The following NAALAD2 variants were observed in gnomAD, a reference collection of about 807,000 sequenced individuals.
The protein encoded by NAALAD2 is N-acetylated-alpha-linked acidic dipeptidase 2.
NAALAD2 carries 89 observed loss-of-function variants against 95.6 expected under a neutral mutation model. The ratio of observed to expected loss-of-function variants is 0.93; its 90% CI spans 0.78 to 1.11. The LOEUF (loss-of-function observed/expected upper bound fraction) is 1.11. Among genes scored for constraint, NAALAD2 ranks in the 50% least tolerant of loss-of-function variants. NAALAD2 has a pLI of 0.00. For synonymous variants in NAALAD2, 264 were observed against 294.4 expected (o/e 0.90, Z 1.06); for missense variants, 894 against 872.4 (o/e 1.02, Z -0.31).
At chr11:90,138,495 C>A (rs1039181198) in intron 2 of NAALAD2, among the ~76,000 whole-genome samples, 17 of 152,070 alleles carry the variant, frequency 1.1e-4, no homozygotes, top group African/African-American at 4.1e-4. Context: ...ATAGAAAGGA[C>A]CGTGTTGTAA....
Position 90,134,712 on chromosome 11 carries a change from A to G in NAALAD2, c.-47A>G. On this transcript the variant is annotated 5_prime_UTR_variant, in exon 1 of 19. Transcript: ENST00000534061. ...CGCTCTCTGTTTCTCTGCAGCCCCG[A>G]AGCTCGCGAATGTAGCAGGCGCCCC... 2 of 1,590,016 alleles carry G rather than the reference A, an allele frequency of 1.3e-6. No individual in the cohort carries two copies. The highest frequency in any genetic ancestry group is 1.7e-6 in the Non-Finnish European group (2 of 1,159,728).
intron 4 of NAALAD2, among the ~76,000 whole-genome samples, chr11:90,150,258 TAATA>T (rs1245521718): frequency 6.6e-6 from 1 of 151,774 alleles, no homozygotes; most frequent in Non-Finnish European, 1.5e-5. Flanking sequence ...GTCTCAAAAA[TAATA>T]AATAAATAAA....
intron 18 of NAALAD2, among the ~76,000 whole-genome samples, chr11:90,189,146 A>G (rs1857249245): frequency 6.6e-6 from 1 of 152,152 alleles, no homozygotes; most frequent in African/African-American, 2.4e-5. Context: ...TCTAAAATGC[A>G]GTTGCGGATT....
intron 2 of NAALAD2, among the ~76,000 whole-genome samples, chr11:90,139,742 C>A (rs1951555686): frequency 6.6e-6 from 1 of 152,084 alleles, no homozygotes; most frequent in South Asian, 2.1e-4. Context: ...TTATAACAAT[C>A]CTACACCCAC....
intron 2 of NAALAD2, 63 bp downstream of exon 2, chr11:90,135,733 A>G: frequency 5.2e-6 from 7 of 1,336,590 alleles, no homozygotes; most frequent in Admixed American, 3.7e-5. Flanking sequence ...TGAGAAGCAT[A>G]TTATACCTGG....
chr11:90,177,586 G>GTTGTTTTTTTT, intron 15 of NAALAD2, among the ~76,000 whole-genome samples: 1 of 28,456 alleles, frequency 3.5e-5, no homozygotes, highest in Non-Finnish European at 6.2e-5. Flanking sequence ...TCTTTTTCTT[G>GTTGTTTTTTTT]TTTTTTTTTT....
At chr11:90,187,758 T>A (rs746193889) in intron 18 of NAALAD2, among the ~76,000 whole-genome samples, 1 of 152,140 alleles carries the variant, frequency 6.6e-6, no homozygotes, top group Admixed American at 6.5e-5. Flanking sequence ...TTTATGAACC[T>A]CAAGAATGGA....
intron 11 of NAALAD2, among the ~76,000 whole-genome samples, chr11:90,167,418 A>C (rs1296582030): frequency 6.6e-6 from 1 of 152,106 alleles, no homozygotes; most frequent in Non-Finnish European, 1.5e-5. Context: ...ACCATGCCTG[A>C]GCCTGCGCCC....
chr11:90,170,215 G>A lies in NAALAD2; in HGVS notation c.1410+79G>A, dbSNP rs963711589. On this transcript the variant is annotated intron_variant, in intron 13 of 18. Transcript: ENST00000534061. ...ACGTGTGTTCCCCCCTAAATTAATG[G>A]TACTTATTTTTAAGCTGGTGAGAGA... 3 of 900,538 alleles carry A rather than the reference G, an allele frequency of 3.3e-6. No homozygotes were observed. In the Admixed American group the frequency reaches 5.6e-5, roughly 17 times the overall value. 55.8% of individuals were successfully genotyped at this position (900,538 alleles called of 1,614,324 possible).
At chr11:90,133,181 G>A (rs1165767361), upstream of NAALAD2, among the ~76,000 whole-genome samples, 1 of 152,208 alleles carries the variant, frequency 6.6e-6, no homozygotes, top group East Asian at 1.9e-4. Context: ...ATGCTGTGAA[G>A]TTTATCCTAG....
At chr11:90,150,194 G>T (rs1028467033) in intron 4 of NAALAD2, among the ~76,000 whole-genome samples, 1 of 152,032 alleles carries the variant, frequency 6.6e-6, no homozygotes, top group Non-Finnish European at 1.5e-5. Flanking sequence ...GGAGGAGGTT[G>T]CAGTGAGCCG....
At chr11:90,150,236 C>G (rs1042265154) in intron 4 of NAALAD2, among the ~76,000 whole-genome samples, 3 of 151,608 alleles carry the variant, frequency 2.0e-5, no homozygotes, top group African/African-American at 7.3e-5. Flanking sequence ...GCCTGGGTGA[C>G]AGTGAAATTC....
At chr11:90,174,153 G>A (rs1952719013) in intron 14 of NAALAD2, among the ~76,000 whole-genome samples, 1 of 152,038 alleles carries the variant, frequency 6.6e-6, no homozygotes, top group Admixed American at 6.6e-5. Flanking sequence ...CCAACACGGC[G>A]AAACCCTGTC....
intron 2 of NAALAD2, 91 bp downstream of exon 2, chr11:90,135,761 G>T: frequency 2.1e-6 from 2 of 930,752 alleles, no homozygotes; most frequent in East Asian, 2.7e-5. Context: ...CATGAGGACA[G>T]TCTTCTCTGT....
In NAALAD2 at chr11:90,178,048, T is replaced by C; in HGVS notation, c.1789T>C (p.Tyr597His). ...AGACTATGCAGAAGCTTTGAAAAAC[T>C]ATGCAGCAAGTATCTATAATCTATC... Reference protein sequence around the residue: ...IQDYAEALKNYAASIYNLSKK... With the variant: ...IQDYAEALKNHAASIYNLSKK... The change falls in exon 16 of 19, where the codon TAT becomes CAT. Residue 597 changes from tyrosine (Y) to histidine (H), a missense_variant. Physicochemically the swap from Tyr to His is moderately conservative, Grantham distance 83. Coordinates refer to ENST00000534061, the MANE Select transcript of NAALAD2 (RefSeq NM_005467.4). 1.2e-6 allele frequency: 2 copies of C among 1,613,842 alleles called. No homozygotes were observed. Among genetic ancestry groups the C allele is most frequent in the Non-Finnish European group, 1.7e-6 (2 of 1,179,856 alleles).
At chr11:90,146,729 GTCACTTAAATGTTACAAC>G (rs1944966261) in intron 2 of NAALAD2, among the ~76,000 whole-genome samples, 1 of 152,000 alleles carries the variant, frequency 6.6e-6, no homozygotes, top group South Asian at 2.1e-4. Flanking sequence ...TGTTTGTGGG[GTCACTTAAATGTTACAAC>G]TCATTTACAT....
chr11:90,184,903 C>T (rs1321170421), intron 18 of NAALAD2, among the ~76,000 whole-genome samples: 2 of 151,974 alleles, frequency 1.3e-5, no homozygotes, highest in Non-Finnish European at 2.9e-5. Flanking sequence ...GATTTACAGA[C>T]CTTTTTTGGG....
At position 90,134,796 on chromosome 11, in the gene NAALAD2, G is replaced by A. The variant is rs139005910; in HGVS notation, c.38G>A (p.Cys13Tyr). The A allele has an allele frequency of 6.0e-4, 965 of 1,614,158 alleles. No homozygotes were observed. The highest frequency in any genetic ancestry group is 2.0e-3 in the Admixed American group (119 of 60,030). The change falls in exon 1 of 19, where the codon TGC becomes TAC. Residue 13 changes from cysteine to tyrosine, a missense_variant. Physicochemically the swap from Cys to Tyr is radical, Grantham distance 194 (BLOSUM62 -2). Transcript: ENST00000534061. ...AGGGGCCGTCTGTACCTTTGGATGTGCTTGGCTGCTGCGCTGGCATCTTTC... is the reference window on the plus strand; with the variant it reads ...AGGGGCCGTCTGTACCTTTGGATGTACTTGGCTGCTGCGCTGGCATCTTTC... ...ESRGRLYLWMCLAAALASFLM... is the reference protein window; with the variant it reads ...ESRGRLYLWMYLAAALASFLM...
chr11:90,189,879 G>C (rs1260210724), intron 18 of NAALAD2, among the ~76,000 whole-genome samples: 1 of 152,168 alleles, frequency 6.6e-6, no homozygotes. Context: ...ATATTCTCTA[G>C]TCTGCTCAGT....
Sources: allele counts gnomAD v4.1 joint callset (sites outside exome capture counted in the v4.1 genomes callset), GRCh38; gene constraint gnomAD v4.1.1; transcripts MANE v1.5; gene names NCBI Gene and HGNC (gene_info 2026-07-23, HGNC 2026-07-21).